Variants in CELF2 observed in about 807,000 individuals in gnomAD.
CELF2 encodes CUG triplet repeat RNA-binding protein 2.
Under a neutral mutation model 62.6 loss-of-function variants are expected in CELF2, and 8 were observed. That is an observed-to-expected ratio of 0.13 (90% CI 0.07 to 0.23). The LOEUF is 0.23. Ranked by LOEUF, CELF2 falls within the 10% of genes least tolerant of loss-of-function variation. The pLI is 1.00. For missense variants in CELF2, 333 were observed against 671.0 expected (o/e 0.50, Z 5.56); for synonymous variants, 258 against 250.0 (o/e 1.03, Z -0.30).
chr10:10,968,217 C>CT lies in CELF2; in HGVS notation c.89+48227dup, dbSNP rs1039059608. On this transcript the variant is annotated intron_variant, in intron 2 of 13. Transcript: ENST00000636488. ...AAATCATCAAGAATTGACAGCGCAT[C>CT]TTTTTTTTTGTTCATGATTGCCAAA... Among the ~76,000 whole-genome samples, 9 of 151,446 alleles carry CT rather than the reference C, an allele frequency of 5.9e-5. No individual in the cohort carries two copies. The East Asian group carries it at 9.7e-4, about 16-fold the overall frequency.
intron 2 of CELF2, among the ~76,000 whole-genome samples, chr10:10,925,962 C>G (rs1478353783): frequency 6.6e-6 from 1 of 152,154 alleles, no homozygotes; most frequent in Admixed American, 6.5e-5. Flanking sequence ...CTCACCTTTT[C>G]TAATGCATCT....
intron 1 of CELF2, among the ~76,000 whole-genome samples, chr10:10,822,888 T>C (rs2057080690): frequency 6.6e-6 from 1 of 152,240 alleles, no homozygotes; most frequent in Admixed American, 6.5e-5. Flanking sequence ...TACCCAGGAC[T>C]AATGCATTCC....
chr10:10,708,886 C>T, the CELF2 span, among the ~76,000 whole-genome samples: 7 of 152,132 alleles, frequency 4.6e-5, no homozygotes, highest in South Asian at 4.2e-4. Context: ...ACACGCACAC[C>T]GTATAGGAAC....
the CELF2 span, among the ~76,000 whole-genome samples, chr10:10,567,224 T>A: frequency 6.6e-6 from 1 of 152,174 alleles, no homozygotes; most frequent in South Asian, 2.1e-4. Flanking sequence ...GGAATAGAAA[T>A]AAACTGCCTT....
At chr10:11,086,578 T>TAAAAAAACAAA (rs2046799012) in intron 1 of CELF2, among the ~76,000 whole-genome samples, 1 of 71,982 alleles carries the variant, frequency 1.4e-5, no homozygotes, top group Non-Finnish European at 2.4e-5. Context: ...TTGCATTTGT[T>TAAAAAAACAAA]AAAAAAAAAA....
intron 3 of CELF2, among the ~76,000 whole-genome samples, chr10:11,245,124 T>C (rs1040905574): frequency 6.6e-6 from 1 of 152,228 alleles, no homozygotes; most frequent in African/African-American, 2.4e-5. Flanking sequence ...GTCAAATCAT[T>C]GAAACCATTT....
intron 4 of CELF2, among the ~76,000 whole-genome samples, chr10:11,251,319 T>C (rs2077088589): frequency 7.3e-6 from 1 of 136,656 alleles, no homozygotes; most frequent in African/African-American, 2.8e-5. Flanking sequence ...TGTGCAGGTA[T>C]TCATTTGCCT....
chr10:11,230,842 G>T (rs2068382897), intron 3 of CELF2, among the ~76,000 whole-genome samples: 1 of 152,220 alleles, frequency 6.6e-6, no homozygotes, highest in Non-Finnish European at 1.5e-5. Flanking sequence ...CTGCCACAAA[G>T]AGTTAATCTG....
the CELF2 span, among the ~76,000 whole-genome samples, chr10:10,602,957 T>C: frequency 2.0e-5 from 3 of 152,242 alleles, no homozygotes; most frequent in South Asian, 2.1e-4. Flanking sequence ...CTCTAAAACA[T>C]GCGACTGTGC....
intron 11 of CELF2, among the ~76,000 whole-genome samples, chr10:11,323,566 T>C (rs2095566335): frequency 6.6e-6 from 1 of 152,086 alleles, no homozygotes; most frequent in African/African-American, 2.4e-5. Context: ...CCTCTGTCCA[T>C]TACCTGCAGG....
chr10:10,844,792 T>C (rs1223813070), intron 1 of CELF2, among the ~76,000 whole-genome samples: 2 of 152,088 alleles, frequency 1.3e-5, no homozygotes, highest in African/African-American at 4.8e-5. Flanking sequence ...AAGATTGACA[T>C]ATGCCCTGGG....
chr10:11,040,200 C>G (rs921330714), intron 1 of CELF2, among the ~76,000 whole-genome samples: 1 of 152,170 alleles, frequency 6.6e-6, no homozygotes, highest in Non-Finnish European at 1.5e-5. Context: ...ATGTATCTGA[C>G]TGCCATCTTA....
intron 3 of CELF2, among the ~76,000 whole-genome samples, chr10:11,230,589 A>T (rs1417038249): frequency 6.6e-6 from 1 of 152,206 alleles, no homozygotes; most frequent in East Asian, 1.9e-4. Context: ...CAGCCTGACT[A>T]TGGAGGACAG....
intron 1 of CELF2, among the ~76,000 whole-genome samples, chr10:11,141,045 G>C (rs1317946846): frequency 1.3e-5 from 2 of 152,182 alleles, no homozygotes; most frequent in Non-Finnish European, 2.9e-5. Context: ...GCTAACTTTT[G>C]TGTATTCGTA....
At chr10:11,253,931 G>A (rs1014010533) in intron 4 of CELF2, among the ~76,000 whole-genome samples, 9 of 151,960 alleles carry the variant, frequency 5.9e-5, no homozygotes, top group African/African-American at 2.2e-4. Context: ...TTTTGTTTTG[G>A]TTTTGGTTTT....
At chr10:10,758,367 T>C in the CELF2 span, among the ~76,000 whole-genome samples, 2 of 152,234 alleles carry the variant, frequency 1.3e-5, no homozygotes, top group Non-Finnish European at 2.9e-5. Context: ...TTCAGAGTTC[T>C]ATAAGGAATT....
chr10:10,726,327 G>A, the CELF2 span, among the ~76,000 whole-genome samples: 1 of 152,164 alleles, frequency 6.6e-6, no homozygotes, highest in Non-Finnish European at 1.5e-5. Flanking sequence ...TGTGTTTTCT[G>A]CCTTTCTAGA....
the CELF2 span, among the ~76,000 whole-genome samples, chr10:10,493,520 G>A: frequency 7.6e-5 from 7 of 91,864 alleles, 1 homozygote; most frequent in South Asian, 1.3e-3. Context: ...GATTTTGGGC[G>A]TTTTTTTTTT....
chr10:10,830,927 A>T (rs984823218), intron 1 of CELF2, among the ~76,000 whole-genome samples: 10 of 152,220 alleles, frequency 6.6e-5, no homozygotes, highest in African/African-American at 2.4e-4. Flanking sequence ...GTTAAAAACA[A>T]TAGATGACAC....
Sources: allele counts gnomAD v4.1 joint callset (sites outside exome capture counted in the v4.1 genomes callset), GRCh38; gene constraint gnomAD v4.1.1; transcripts MANE v1.5; gene names NCBI Gene and HGNC (gene_info 2026-07-23, HGNC 2026-07-21).